The following BMAL1 variants were observed in gnomAD, a reference collection of about 807,000 sequenced individuals.
BMAL1 encodes the protein basic helix-loop-helix ARNT like 1.
chr11:13,348,926 T>A, the BMAL1 span, among the ~76,000 whole-genome samples: 1 of 152,198 alleles, frequency 6.6e-6, no homozygotes, highest in Non-Finnish European at 1.5e-5. Context: ...TGCCAAAATT[T>A]TTTTTCAGAA....
the BMAL1 span, among the ~76,000 whole-genome samples, chr11:13,364,751 T>C: frequency 2.0e-5 from 3 of 152,218 alleles, no homozygotes; most frequent in Non-Finnish European, 2.9e-5. Context: ...AATGGCTGGC[T>C]TTATTGGAAC....
chr11:13,312,858 G>T, the BMAL1 span, among the ~76,000 whole-genome samples: 1 of 152,192 alleles, frequency 6.6e-6, no homozygotes, highest in Admixed American at 6.5e-5. Flanking sequence ...TGGCATCATG[G>T]TTATAGAGGT....
chr11:13,326,880 T>C, the BMAL1 span, among the ~76,000 whole-genome samples: 422 of 151,922 alleles, frequency 2.8e-3, 1 homozygote, highest in African/African-American at 9.7e-3. Context: ...AGTGCAGTGG[T>C]GCGATCTCGG....
the BMAL1 span, among the ~76,000 whole-genome samples, chr11:13,319,575 A>C: frequency 6.6e-6 from 1 of 152,236 alleles, no homozygotes; most frequent in African/African-American, 2.4e-5. Flanking sequence ...ATCTTAGAAA[A>C]GCATTCAGAA....
At chr11:13,381,615 A>G in the BMAL1 span, among the ~76,000 whole-genome samples, 1 of 152,160 alleles carries the variant, frequency 6.6e-6, no homozygotes, top group Non-Finnish European at 1.5e-5. Flanking sequence ...AAGGGAGAAA[A>G]TATTAGTGTC....
chr11:13,307,178 C>T, the BMAL1 span, among the ~76,000 whole-genome samples: 2 of 152,188 alleles, frequency 1.3e-5, no homozygotes, highest in African/African-American at 4.8e-5. Flanking sequence ...AGACTGTTTA[C>T]CATGGCTTAC....
the BMAL1 span, among the ~76,000 whole-genome samples, chr11:13,318,566 T>C: frequency 1.1e-4 from 16 of 149,838 alleles, no homozygotes; most frequent in African/African-American, 3.7e-4. Context: ...TTTTTTTTTT[T>C]TTTTCAGAAT....
chr11:13,321,247 T>G, the BMAL1 span, among the ~76,000 whole-genome samples: 1 of 152,170 alleles, frequency 6.6e-6, no homozygotes, highest in Non-Finnish European at 1.5e-5. Context: ...TTTGCATTCC[T>G]TTTTCTACGG....
the BMAL1 span, chr11:13,386,884 A>G: frequency 9.1e-6 from 10 of 1,103,086 alleles, no homozygotes; most frequent in East Asian, 2.6e-5. Context: ...AAGCCATCTC[A>G]GAGCCATTGA....
chr11:13,373,582 C>T, the BMAL1 span, among the ~76,000 whole-genome samples: 1 of 152,202 alleles, frequency 6.6e-6, no homozygotes, highest in Non-Finnish European at 1.5e-5. Context: ...TCTTGGCTTA[C>T]TGTAGCCTTG....
the BMAL1 span, among the ~76,000 whole-genome samples, chr11:13,298,521 TTTTA>T: frequency 3.3e-5 from 5 of 152,176 alleles, no homozygotes; most frequent in Admixed American, 6.5e-5. Flanking sequence ...TTTGGTTTAT[TTTTA>T]TTTATTTATT....
chr11:13,313,474 G>A, the BMAL1 span, among the ~76,000 whole-genome samples: 495 of 152,238 alleles, frequency 3.3e-3, 3 homozygotes, highest in African/African-American at 0.011. Context: ...AGTGCCACAT[G>A]CGTCTTTCTC....
the BMAL1 span, among the ~76,000 whole-genome samples, chr11:13,362,755 C>T: frequency 2.0e-5 from 3 of 152,252 alleles, no homozygotes; most frequent in South Asian, 6.2e-4. Context: ...TGTAGCATCT[C>T]GAGAGCTGCC....
chr11:13,386,505 T>C, the BMAL1 span: 14 of 1,311,680 alleles, frequency 1.1e-5, no homozygotes, highest in Admixed American at 2.9e-4. Flanking sequence ...AAATGTAACT[T>C]TCTTATTAAA....
the BMAL1 span, among the ~76,000 whole-genome samples, chr11:13,290,201 C>A: frequency 6.6e-6 from 1 of 152,154 alleles, no homozygotes; most frequent in Non-Finnish European, 1.5e-5. Context: ...AATGTCTGTT[C>A]ATATCCTTTG....
At chr11:13,369,543 T>C in the BMAL1 span, 1 of 1,558,652 alleles carries the variant, frequency 6.4e-7, no homozygotes, top group Non-Finnish European at 8.7e-7. Flanking sequence ...GAAAAGGCTT[T>C]GCTCAAGGTC....
chr11:13,354,206 CACCACCAAA>C, the BMAL1 span: 2 of 880,496 alleles, frequency 2.3e-6, no homozygotes, highest in Non-Finnish European at 3.3e-6. Context: ...CCCGGCCCCC[CACCACCAAA>C]CCCCCAAGCA....
chr11:13,354,200 G>GCCCCCCCCCCC, the BMAL1 span: 8 of 364,712 alleles, frequency 2.2e-5, no homozygotes, highest in Non-Finnish European at 4.3e-5. Flanking sequence ...TCCCCCCCCG[G>GCCCCCCCCCCC]CCCCCCACCA....
At chr11:13,348,314 T>G in the BMAL1 span, among the ~76,000 whole-genome samples, 16 of 152,156 alleles carry the variant, frequency 1.1e-4, no homozygotes, top group Non-Finnish European at 1.8e-4. Flanking sequence ...GACTAAGCAG[T>G]GTTTCCTGCT....
Sources: gnomAD v4.1 joint callset for allele counts (sites outside exome capture counted in the v4.1 genomes callset) on GRCh38, gnomAD v4.1.1 for gene constraint, MANE v1.5 for transcripts, NCBI Gene and HGNC (gene_info 2026-07-23, HGNC 2026-07-21) for gene names.